The following MCF2L variants were observed in gnomAD, a reference collection of about 807,000 sequenced individuals.
MCF2L encodes guanine nucleotide exchange factor DBS.
Under a neutral mutation model 153.4 loss-of-function variants are expected in MCF2L, and 97 were observed. The observed-to-expected ratio is 0.63, with a 90% CI of 0.54 to 0.75. MCF2L has a LOEUF of 0.75. MCF2L is among the 30% of genes least tolerant of loss of function. MCF2L has a pLI of 0.00. For missense variants in MCF2L, 1,347 were observed against 1,495.2 expected, an observed-to-expected ratio of 0.90 and a Z score of 1.64; for synonymous variants, 659 against 632.2, an observed-to-expected ratio of 1.04 and a Z score of -0.64.
At chr13:112,961,627 G>A (rs1566662775) in intron 2 of MCF2L, among the ~76,000 whole-genome samples, 1 of 152,228 alleles carries the variant, frequency 6.6e-6, no homozygotes. Flanking sequence ...TGGCCTGGCC[G>A]GGACCTGCAG....
rs1165164268 is a variant in MCF2L, at chr13:113,054,833, CT to C, written c.370-5755del. ...ATATTAACTCAGAAACCAGTGAACT[CT>C]TTTTCTATCTCCAGACTACAGTGCT... is the stretch of plus-strand genomic sequence containing the variant. On this transcript the variant is annotated intron_variant, in intron 4 of 29. Coordinates refer to ENST00000535094, the MANE Select transcript of MCF2L (RefSeq NM_001112732.3). The surrounding 1 kb of genome is among the most constrained non-coding windows in gnomAD (Gnocchi z 5.2). The C allele has an allele frequency of 6.6e-6, 1 of 152,236 alleles. No homozygotes were observed. Among genetic ancestry groups the C allele is most frequent in the African/African-American group, 2.4e-5 (1 of 41,466 alleles). 9.4% of individuals were successfully genotyped at this position (152,236 alleles called of 1,614,324 possible). A position where few individuals can be genotyped will look rare whatever the true frequency, so the allele number is the denominator to read the frequency against.
At chr13:112,928,392 C>A (rs183292075) in intron 2 of MCF2L, among the ~76,000 whole-genome samples, 76 of 152,330 alleles carry the variant, frequency 5.0e-4, no homozygotes, top group Non-Finnish European at 9.3e-4. Context: ...TTTTTCCTCA[C>A]AGTCATAATT....
At chr13:113,005,564 TG>T (rs1360208494) in intron 1 of MCF2L, among the ~76,000 whole-genome samples, 1 of 151,156 alleles carries the variant, frequency 6.6e-6, no homozygotes, top group African/African-American at 2.4e-5. Context: ...GGCTGTGGTC[TG>T]TTTGTGGTGG....
At chr13:113,086,299 C>G in intron 21 of MCF2L, 50 bp downstream of exon 21, 2 of 1,594,688 alleles carry the variant, frequency 1.3e-6, no homozygotes, top group Non-Finnish European at 8.5e-7. Context: ...TGGAATACAC[C>G]AGCCCAGCAA....
rs575295545 is a variant in MCF2L, at chr13:113,093,912, T to A, written c.2954-602T>A. On this transcript the variant is annotated intron_variant, in intron 26 of 29. Coordinates refer to ENST00000535094, the MANE Select transcript of MCF2L (RefSeq NM_001112732.3). ...GGTCCCAAGTCTGGAAGAAGCTCCT[T>A]CCTCTTCTCCCGCTGGGAGCTGCGT... The A allele has an allele frequency of 4.5e-3, 685 of 152,450 alleles. 3 individuals carry two copies. The highest frequency in any genetic ancestry group is 6.9e-3 in the Non-Finnish European group (470 of 68,122). The allele number at this position is 152,450 out of a possible 1,614,324, so 9.4% of individuals were successfully genotyped here. A position where few individuals can be genotyped will look rare whatever the true frequency, so the allele number is the denominator to read the frequency against.
At chr13:113,057,257 T>A (rs953469032) in intron 4 of MCF2L, among the ~76,000 whole-genome samples, 21 of 146,276 alleles carry the variant, frequency 1.4e-4, no homozygotes, top group Admixed American at 1.4e-3. Flanking sequence ...AGGTGCTGTG[T>A]GTTTGGGTGC....
At chr13:113,059,708 C>T (rs55810761) in intron 4 of MCF2L, among the ~76,000 whole-genome samples, 14,861 of 152,258 alleles carry the variant, frequency 0.098, 944 homozygotes, top group Admixed American at 0.14. Flanking sequence ...TAGGCACTGC[C>T]GGTCTCCCCA....
chr13:112,962,914 C>T (rs1052889723), intron 2 of MCF2L, among the ~76,000 whole-genome samples: 1 of 152,214 alleles, frequency 6.6e-6, no homozygotes, highest in Non-Finnish European at 1.5e-5. Context: ...GGAAGAATCC[C>T]GTAGGTACCC....
chr13:112,930,801 G>A (rs1437295516), intron 2 of MCF2L, among the ~76,000 whole-genome samples: 17 of 152,138 alleles, frequency 1.1e-4, no homozygotes, highest in Admixed American at 1.1e-3. Context: ...GCCAGGCATG[G>A]TGGAGCGTGC....
intron 2 of MCF2L, among the ~76,000 whole-genome samples, chr13:113,020,260 GC>G (rs1436822098): frequency 6.6e-6 from 1 of 152,226 alleles, no homozygotes; most frequent in Admixed American, 6.5e-5. Flanking sequence ...AGTTTCTAAA[GC>G]CGTGTTTGGG....
In MCF2L at chr13:113,077,945, G is replaced by T. The variant is rs115058829; in HGVS notation, c.1661-418G>T. On this transcript the variant is annotated intron_variant, in intron 13 of 29. Coordinates refer to ENST00000535094, the MANE Select transcript of MCF2L (RefSeq NM_001112732.3). ...AGGCGACCTTATTTTCTGCCTGTTGGGAGCTCTCCCAGGTCGGAGCCCACA... is the reference window on the plus strand; with the variant it reads ...AGGCGACCTTATTTTCTGCCTGTTGTGAGCTCTCCCAGGTCGGAGCCCACA... Among the ~76,000 whole-genome samples, 704 of 152,330 alleles carry T rather than the reference G, an allele frequency of 4.6e-3. 8 individuals are homozygous for T. Among genetic ancestry groups the T allele is most frequent in the African/African-American group, 0.016 (646 of 41,576 alleles).
chr13:113,050,185 T>C (rs9577445), intron 4 of MCF2L, among the ~76,000 whole-genome samples: 1 of 151,602 alleles, frequency 6.6e-6, no homozygotes, highest in Admixed American at 6.6e-5. Context: ...ACTGTGTGTG[T>C]GTGCGAGCGA....
At chr13:113,062,629 A>G (rs560984810) in intron 5 of MCF2L, among the ~76,000 whole-genome samples, 3 of 151,924 alleles carry the variant, frequency 2.0e-5, no homozygotes, top group Non-Finnish European at 4.4e-5. Context: ...CCACTTAGAT[A>G]ATTCTTGAAA....
chr13:113,084,413 C>T (rs2034444485), intron 18 of MCF2L, among the ~76,000 whole-genome samples: 1 of 152,192 alleles, frequency 6.6e-6, no homozygotes, highest in African/African-American at 2.4e-5. Flanking sequence ...AACTTCTGAG[C>T]CCTGTGCCTT....
intron 2 of MCF2L, among the ~76,000 whole-genome samples, chr13:112,954,649 G>A (rs901910664): frequency 3.9e-5 from 6 of 152,112 alleles, no homozygotes; most frequent in Admixed American, 3.3e-4. Flanking sequence ...GCATGGGTGG[G>A]CTCAGGGTGT....
chr13:113,023,389 C>G (rs2085025571), intron 2 of MCF2L, among the ~76,000 whole-genome samples: 1 of 152,212 alleles, frequency 6.6e-6, no homozygotes, highest in African/African-American at 2.4e-5. Context: ...GGCCCAGCGT[C>G]CCGGGATCAC....
intron 2 of MCF2L, among the ~76,000 whole-genome samples, chr13:113,022,863 GA>G (rs200820204): frequency 0.019 from 2,872 of 152,350 alleles, 98 homozygotes; most frequent in African/African-American, 0.065. Context: ...ATTGGGATCT[GA>G]GGAATTTTCC....
intron 2 of MCF2L, among the ~76,000 whole-genome samples, chr13:112,916,762 A>C (rs2081296210): frequency 6.6e-6 from 1 of 151,970 alleles, no homozygotes; most frequent in Non-Finnish European, 1.5e-5. Context: ...TCCCCGAACA[A>C]CCAGCTCACG....
intron 1 of MCF2L, among the ~76,000 whole-genome samples, chr13:112,977,393 AG>A (rs2082253093): frequency 6.6e-6 from 1 of 151,980 alleles, no homozygotes; most frequent in Non-Finnish European, 1.5e-5. Flanking sequence ...GAGCTTAGGG[AG>A]GAAGTGGCCC....
Sources: gnomAD v4.1 joint callset for allele counts (sites outside exome capture counted in the v4.1 genomes callset) on GRCh38, gnomAD v4.1.1 for gene constraint, Gnocchi (gnomAD v3.1) non-coding constraint, MANE v1.5 for transcripts, NCBI Gene and HGNC (gene_info 2026-07-23, HGNC 2026-07-21) for gene names.